RASAL2: variants seen among roughly 807,000 people sequenced by gnomAD.
RASAL2 encodes the protein ras GTPase-activating protein nGAP.
A neutral mutation model predicts 128.9 loss-of-function variants in RASAL2; 58 were observed. The ratio of observed to expected loss-of-function variants is 0.45; its 90% CI spans 0.36 to 0.56. The LOEUF is 0.56. Ranked by LOEUF, RASAL2 falls within the 20% of genes least tolerant of loss-of-function variation. RASAL2 has a pLI of 0.00. For synonymous variants in RASAL2, 561 were observed against 580.8 expected (o/e 0.97, Z 0.49); for missense variants, 1,360 against 1,601.6 (o/e 0.85, Z 2.57).
At chr1:178,406,594 A>G (rs1019456571) in intron 4 of RASAL2, among the ~76,000 whole-genome samples, 2 of 152,210 alleles carry the variant, frequency 1.3e-5, no homozygotes, top group African/African-American at 4.8e-5. Context: ...TTTAAAAGAA[A>G]TGTTTTAAAA....
chr1:178,167,196 T>C (rs1353820001), intron 1 of RASAL2, among the ~76,000 whole-genome samples: 1 of 152,108 alleles, frequency 6.6e-6, no homozygotes, highest in Admixed American at 6.6e-5. Flanking sequence ...TTTTGTGTCT[T>C]ATGCTATTTA....
intron 3 of RASAL2, among the ~76,000 whole-genome samples, chr1:178,345,507 A>C (rs1219694176): frequency 1.3e-5 from 2 of 152,170 alleles, no homozygotes; most frequent in Non-Finnish European, 2.9e-5. Context: ...TTGTGTAACT[A>C]TTCGTAAATA....
intron 5 of RASAL2, among the ~76,000 whole-genome samples, chr1:178,423,804 C>T (rs1450864014): frequency 6.6e-6 from 1 of 151,998 alleles, no homozygotes; most frequent in East Asian, 1.9e-4. Flanking sequence ...TGTGACTTAC[C>T]TATTTCCTTT....
chr1:178,389,222 T>C (rs558807803), intron 3 of RASAL2: 2 of 965,696 alleles, frequency 2.1e-6, no homozygotes, highest in Admixed American at 6.2e-5. Flanking sequence ...TCCTTGTCCA[T>C]GTTGAGATTA....
intron 1 of RASAL2, among the ~76,000 whole-genome samples, chr1:178,170,909 G>A (rs978803322): frequency 6.6e-6 from 1 of 151,590 alleles, no homozygotes; most frequent in Non-Finnish European, 1.5e-5. Flanking sequence ...TTCTTCCTTT[G>A]TCATTTCTCA....
chr1:178,339,266 T>G (rs1669745707), intron 3 of RASAL2, among the ~76,000 whole-genome samples: 1 of 152,216 alleles, frequency 6.6e-6, no homozygotes, highest in African/African-American at 2.4e-5. Flanking sequence ...AGTTAGGACC[T>G]ATTTCTAACA....
intron 1 of RASAL2, among the ~76,000 whole-genome samples, chr1:178,134,501 G>C (rs1020053589): frequency 6.6e-6 from 1 of 150,912 alleles, no homozygotes; most frequent in Non-Finnish European, 1.5e-5. Context: ...TGATGTTGAA[G>C]GTGAAGCCTG....
At chr1:178,457,325 C>A (rs1029191549) in intron 13 of RASAL2, among the ~76,000 whole-genome samples, 37 of 152,122 alleles carry the variant, frequency 2.4e-4, no homozygotes, top group African/African-American at 8.2e-4. Context: ...TTTGCAGGGA[C>A]CTTTCAGTTG....
intron 3 of RASAL2, among the ~76,000 whole-genome samples, chr1:178,369,641 T>G (rs1286828011): frequency 1.3e-5 from 2 of 152,210 alleles, no homozygotes; most frequent in African/African-American, 2.4e-5. Flanking sequence ...GAGATTTAAT[T>G]TTTCCTTAAC....
At position 178,367,434 on chromosome 1, in the gene RASAL2, T is replaced by G. The variant is rs377758561; in HGVS notation, c.458-22666T>G. Among the ~76,000 whole-genome samples, 51 of 152,306 alleles carry G rather than the reference T, an allele frequency of 3.3e-4. No individual in the cohort carries two copies. In the South Asian group the frequency reaches 0.011, roughly 32 times the overall value. ...TGCTTTACTCTTCTCCTTGGTATTA[T>G]TTACCATCTAACACAATATATATTT... On this transcript the variant is annotated intron_variant, in intron 3 of 17. Transcript: ENST00000367649.
At chr1:178,378,396 G>C (rs1224347765) in intron 3 of RASAL2, among the ~76,000 whole-genome samples, 3 of 152,040 alleles carry the variant, frequency 2.0e-5, no homozygotes, top group African/African-American at 7.2e-5. Context: ...TAATTCTACA[G>C]TCCTATCTAT....
intron 2 of RASAL2, among the ~76,000 whole-genome samples, chr1:178,296,517 A>T (rs1667513844): frequency 6.6e-6 from 1 of 151,264 alleles, no homozygotes; most frequent in Admixed American, 6.6e-5. Flanking sequence ...ATGCCACTAC[A>T]ACTGGCTGAT....
chr1:178,408,730 AATAC>A (rs1674158348), intron 4 of RASAL2, among the ~76,000 whole-genome samples: 1 of 151,946 alleles, frequency 6.6e-6, no homozygotes, highest in South Asian at 2.1e-4. Context: ...AGTTACATAT[AATAC>A]ATATGGGGAA....
chr1:178,276,547 C>A (rs1323573378), intron 1 of RASAL2, among the ~76,000 whole-genome samples: 1 of 150,238 alleles, frequency 6.7e-6, no homozygotes, highest in Non-Finnish European at 1.5e-5. Context: ...AGGTGTTATT[C>A]TGTTGCCCAG....
chr1:178,415,082 A>G (rs1410603524), intron 4 of RASAL2, among the ~76,000 whole-genome samples: 2 of 152,114 alleles, frequency 1.3e-5, no homozygotes, highest in South Asian at 2.1e-4. Context: ...TCGATTCTGC[A>G]CTAATTTTTA....
chr1:178,293,494 C>G (rs1423071339), intron 2 of RASAL2, among the ~76,000 whole-genome samples: 1 of 152,184 alleles, frequency 6.6e-6, no homozygotes. Context: ...TCTCAGTGCT[C>G]CCCATGCGTG....
intron 1 of RASAL2, among the ~76,000 whole-genome samples, chr1:178,228,436 A>G (rs1015146945): frequency 3.2e-4 from 49 of 152,060 alleles, no homozygotes; most frequent in African/African-American, 1.1e-3. Flanking sequence ...AAAAAAAATT[A>G]GCCGGGTGTG....
intron 3 of RASAL2, among the ~76,000 whole-genome samples, chr1:178,330,383 G>A (rs1263037767): frequency 6.6e-6 from 1 of 151,922 alleles, no homozygotes; most frequent in Non-Finnish European, 1.5e-5. Context: ...TCTCTCCTTG[G>A]GTGATTTATG....
intron 3 of RASAL2, among the ~76,000 whole-genome samples, chr1:178,376,046 G>A (rs760934474): frequency 5.9e-5 from 9 of 152,056 alleles, no homozygotes; most frequent in Non-Finnish European, 1.2e-4. Context: ...ACATTTGGGG[G>A]TGGGTGGAGA....
Sources: gnomAD v4.1 joint callset for allele counts (sites outside exome capture counted in the v4.1 genomes callset) on GRCh38, gnomAD v4.1.1 for gene constraint, MANE v1.5 for transcripts, NCBI Gene and HGNC (gene_info 2026-07-23, HGNC 2026-07-21) for gene names.